ZNF503: variants seen among roughly 807,000 people sequenced by gnomAD.
ZNF503 encodes NocA-like zinc finger 2.
Under a neutral mutation model 34.4 loss-of-function variants are expected in ZNF503, and 15 were observed. That is an observed-to-expected ratio of 0.44 (90% CI 0.29 to 0.67). The LOEUF is 0.67. ZNF503 is among the 30% of genes least tolerant of loss of function. The pLI, the probability that ZNF503 is intolerant of heterozygous loss-of-function variation, is 0.13. For missense variants in ZNF503, 1,007 were observed against 926.8 expected, an observed-to-expected ratio of 1.09 and a Z score of -1.12; for synonymous variants, 580 against 456.8, an observed-to-expected ratio of 1.27 and a Z score of -3.44.
At chr10:75,380,297 C>G in the ZNF503 span, among the ~76,000 whole-genome samples, 1 of 152,214 alleles carries the variant, frequency 6.6e-6, no homozygotes, top group Non-Finnish European at 1.5e-5. Flanking sequence ...TTACATAACC[C>G]TGGGAAGTTG....
chr10:75,385,607 T>A, the ZNF503 span, among the ~76,000 whole-genome samples: 1 of 152,172 alleles, frequency 6.6e-6, no homozygotes, highest in Non-Finnish European at 1.5e-5. Context: ...CACAGCATGG[T>A]GACTGGGTCC....
At chr10:75,280,714 G>A in the ZNF503 span, among the ~76,000 whole-genome samples, 4 of 152,168 alleles carry the variant, frequency 2.6e-5, no homozygotes, top group African/African-American at 9.7e-5. Context: ...TTACAATCTA[G>A]TGGGGGAAAC....
At chr10:75,329,406 C>CT in the ZNF503 span, among the ~76,000 whole-genome samples, 485 of 81,514 alleles carry the variant, frequency 5.9e-3, 5 homozygotes, top group African/African-American at 0.022. Flanking sequence ...TCCTTCCTTC[C>CT]TTCCTTCCTT....
the ZNF503 span, among the ~76,000 whole-genome samples, chr10:75,391,384 G>C: frequency 2.6e-5 from 4 of 152,104 alleles, no homozygotes; most frequent in African/African-American, 7.2e-5. Context: ...CAGCCATCTC[G>C]GACTCAGAGA....
chr10:75,312,210 C>T, the ZNF503 span, among the ~76,000 whole-genome samples: 1 of 151,690 alleles, frequency 6.6e-6, no homozygotes, highest in Non-Finnish European at 1.5e-5. Flanking sequence ...CTGTCTCAAA[C>T]AAAACAAAAC....
At chr10:75,396,818 G>C (rs918899233), downstream of ZNF503, among the ~76,000 whole-genome samples, 4 of 152,066 alleles carry the variant, frequency 2.6e-5, no homozygotes, top group South Asian at 8.3e-4. This position sits in a 1 kb window ranked among gnomAD's most constrained non-coding sequence, Gnocchi z 4.4. Context: ...CGTCTGGGAG[G>C]GGGCGCTGGG....
chr10:75,347,543 G>C, the ZNF503 span, among the ~76,000 whole-genome samples: 3 of 152,198 alleles, frequency 2.0e-5, no homozygotes, highest in African/African-American at 7.2e-5. Context: ...AGCCTAGGGG[G>C]CAGGCTGTCC....
chr10:75,311,173 C>T, the ZNF503 span, among the ~76,000 whole-genome samples: 2,970 of 152,226 alleles, frequency 0.02, 110 homozygotes, highest in African/African-American at 0.068. Context: ...CTCCAATGTT[C>T]GAGGGCAGGA....
chr10:75,398,848 G>T lies in ZNF503; in HGVS notation c.1842C>A (p.Gly614=). 2 of 1,503,804 alleles carry T rather than the reference G, an allele frequency of 1.3e-6. No individual in the cohort carries two copies. Among genetic ancestry groups the T allele is most frequent in the South Asian group, 1.4e-5 (1 of 73,438 alleles). 93.2% of individuals were successfully genotyped at this position (1,503,804 alleles called of 1,614,324 possible). A position where few individuals can be genotyped will look rare whatever the true frequency, so the allele number is the denominator to read the frequency against. The part of the protein sequence containing the change: ...PYSKSPLPTP[G]APVPVPAATG... ...TGGCGGCGGGCACCGGCACGGGGGC[G>T]CCAGGCGTGGGAAGCGGGCTCTTGG... Residue 614 remains glycine, a synonymous_variant, in exon 2 of 2, where the codon GGC becomes GGA. Coordinates refer to ENST00000372524, the MANE Select transcript of ZNF503 (RefSeq NM_032772.6).
At chr10:75,344,289 G>T in the ZNF503 span, among the ~76,000 whole-genome samples, 45 of 152,322 alleles carry the variant, frequency 3.0e-4, 1 homozygote, top group Admixed American at 3.3e-4. Context: ...CAGAGCAAAG[G>T]TATGGCATCT....
chr10:75,398,240 T>C lies in ZNF503; in HGVS notation c.*509A>G, dbSNP rs573430468. The C allele has an allele frequency of 6.5e-6, 1 of 153,270 alleles. No individual in the cohort carries two copies. Among genetic ancestry groups the C allele is most frequent in the South Asian group, 2.1e-4 (1 of 4,834 alleles). The allele number at this position is 153,270 out of a possible 1,614,324, so 9.5% of individuals were successfully genotyped here. A position where few individuals can be genotyped will look rare whatever the true frequency, so the allele number is the denominator to read the frequency against. Reference sequence around the variant, plus strand: ...CAATCATAGCAATTTTAAAGTAACATTAAAGAGAAGACCTCTAGTTCTGTG... The same window carrying C: ...CAATCATAGCAATTTTAAAGTAACACTAAAGAGAAGACCTCTAGTTCTGTG... On this transcript the variant is annotated 3_prime_UTR_variant, in exon 2 of 2. Coordinates refer to ENST00000372524, the MANE Select transcript of ZNF503 (RefSeq NM_032772.6).
At chr10:75,345,308 T>C in the ZNF503 span, among the ~76,000 whole-genome samples, 1 of 152,072 alleles carries the variant, frequency 6.6e-6, no homozygotes, top group African/African-American at 2.4e-5. Flanking sequence ...GCCCTTCTGA[T>C]GAACTGAGTC....
chr10:75,400,301 G>C lies in ZNF503; in HGVS notation c.389C>G (p.Pro130Arg), dbSNP rs778291336. Residue 130 changes from proline to arginine, a missense_variant, in exon 2 of 2, where the codon CCC (proline) becomes CGC (arginine). Transcript: ENST00000372524. Reference protein sequence around the residue: ...CSQIGKPDPSPSSKLSSVASN... With the variant: ...CSQIGKPDPSRSSKLSSVASN... ...GGCAACCGAGGAGAGTTTGGAGGAG[G>C]GCGAGGGGTCGGGCTTCCCGATCTG... is the stretch of plus-strand genomic sequence containing the variant. 1 of 1,613,160 alleles carries C rather than the reference G, an allele frequency of 6.2e-7. No homozygotes were observed. The highest frequency in any genetic ancestry group is 1.3e-5 in the African/African-American group (1 of 75,032).
At chr10:75,401,056 T>C (rs1843798814) in intron 1 of ZNF503, 49 bp downstream of exon 1, 1 of 1,611,394 alleles carries the variant, frequency 6.2e-7, no homozygotes, top group Non-Finnish European at 8.5e-7. Flanking sequence ...AGCCCTAGGG[T>C]GGCAGCCAGG....
In ZNF503 at chr10:75,398,158, T is replaced by G. The variant is rs1340141850; in HGVS notation, c.*591A>C. On this transcript the variant is annotated 3_prime_UTR_variant, in exon 2 of 2. Transcript: ENST00000372524. ...TTGTGACTTTTTTTTTCATTTTTTTTGTAACAAACATGCATGTAAATTTGT... is the reference window on the plus strand; with the variant it reads ...TTGTGACTTTTTTTTTCATTTTTTTGGTAACAAACATGCATGTAAATTTGT... 6.6e-6 allele frequency: 1 copy of G among 152,064 alleles called. No homozygotes were observed. Among genetic ancestry groups the G allele is most frequent in the East Asian group, 1.9e-4 (1 of 5,200 alleles). 9.4% of individuals were successfully genotyped at this position (152,064 alleles called of 1,614,324 possible).
At chr10:75,391,746 T>C in the ZNF503 span, among the ~76,000 whole-genome samples, 1 of 152,178 alleles carries the variant, frequency 6.6e-6, no homozygotes, top group African/African-American at 2.4e-5. Flanking sequence ...TGTTTTTTTT[T>C]CTTTCCTCTG....
chr10:75,306,714 G>A, the ZNF503 span, among the ~76,000 whole-genome samples: 7,217 of 152,120 alleles, frequency 0.047, 259 homozygotes, highest in East Asian at 0.19. Flanking sequence ...TGCTCACTTC[G>A]TGTCTCTGTG....
At chr10:75,313,663 T>C in the ZNF503 span, among the ~76,000 whole-genome samples, 1 of 152,204 alleles carries the variant, frequency 6.6e-6, no homozygotes, top group Admixed American at 6.5e-5. Flanking sequence ...ACTGGGCTTG[T>C]GGGCACTCCA....
At chr10:75,389,919 G>A in the ZNF503 span, among the ~76,000 whole-genome samples, 1 of 152,116 alleles carries the variant, frequency 6.6e-6, no homozygotes, top group Admixed American at 6.5e-5. Context: ...TTGAGATGGA[G>A]TCTCGCTCTG....
Sources: allele counts gnomAD v4.1 joint callset (sites outside exome capture counted in the v4.1 genomes callset), GRCh38; gene constraint gnomAD v4.1.1; non-coding constraint Gnocchi (gnomAD v3.1); transcripts MANE v1.5; gene names NCBI Gene and HGNC (gene_info 2026-07-23, HGNC 2026-07-21).